The following MYRIP variants were observed in gnomAD, a reference collection of about 807,000 sequenced individuals.
MYRIP encodes the protein myosin VIIA and Rab interacting protein.
A neutral mutation model predicts 98.0 loss-of-function variants in MYRIP; 49 were observed. The observed-to-expected ratio is 0.50, with a 90% CI of 0.40 to 0.63. The LOEUF is 0.63. MYRIP is among the 30% of genes least tolerant of loss of function. The probability of loss-of-function intolerance (pLI) is 0.00; values close to 1 mark genes in which losing one functional copy is unlikely to be tolerated. For synonymous variants in MYRIP, 404 were observed against 409.5 expected (o/e 0.99, Z 0.16); for missense variants, 1,004 against 1,058.2 (o/e 0.95, Z 0.71).
At chr3:39,941,503 G>GTATA (rs537557970) in intron 2 of MYRIP, among the ~76,000 whole-genome samples, 2 of 145,042 alleles carry the variant, frequency 1.4e-5, no homozygotes, top group South Asian at 2.1e-4. Flanking sequence ...GTGTGTGTGT[G>GTATA]TGTGTGTATA....
chr3:40,217,696 T>C (rs1200338707), intron 11 of MYRIP, among the ~76,000 whole-genome samples: 1 of 152,078 alleles, frequency 6.6e-6, no homozygotes, highest in Non-Finnish European at 1.5e-5. Context: ...CCATAAAGCA[T>C]AAAAAAATGA....
intron 8 of MYRIP, 29 bp from the exon 9 acceptor site, chr3:40,182,191 T>A (rs1388735972): frequency 6.3e-7 from 1 of 1,581,542 alleles, no homozygotes; most frequent in South Asian, 1.2e-5. Flanking sequence ...CCTTATGAGC[T>A]CACCCCTTCC....
chr3:39,812,665 A>G (rs1435512609), intron 1 of MYRIP, among the ~76,000 whole-genome samples: 1 of 152,258 alleles, frequency 6.6e-6, no homozygotes, highest in Non-Finnish European at 1.5e-5. Context: ...AATTCCTCAA[A>G]GATAAAAAGT....
intron 1 of MYRIP, among the ~76,000 whole-genome samples, chr3:39,895,127 G>A (rs922059592): frequency 1.3e-5 from 2 of 151,214 alleles, no homozygotes; most frequent in African/African-American, 4.9e-5. Flanking sequence ...TTTTATGAGG[G>A]TGCTTAATAT....
intron 4 of MYRIP, among the ~76,000 whole-genome samples, chr3:40,160,334 G>A (rs899794162): frequency 6.6e-6 from 1 of 152,244 alleles, no homozygotes; most frequent in African/African-American, 2.4e-5. Context: ...ACCCACTTGA[G>A]GAGGCAGTCT....
At chr3:39,893,153 T>G (rs906524385) in intron 1 of MYRIP, among the ~76,000 whole-genome samples, 2 of 152,330 alleles carry the variant, frequency 1.3e-5, no homozygotes, top group Admixed American at 6.5e-5. Flanking sequence ...GGCCTGAGGC[T>G]GAACTATATG....
chr3:39,954,971 A>G (rs556280027), intron 2 of MYRIP, among the ~76,000 whole-genome samples: 3 of 151,240 alleles, frequency 2.0e-5, no homozygotes, highest in Non-Finnish European at 3.0e-5. Context: ...AGAAGTTTAG[A>G]AAAAAAAAGA....
chr3:40,145,199 C>A (rs548706579), intron 3 of MYRIP, among the ~76,000 whole-genome samples: 1 of 152,120 alleles, frequency 6.6e-6, no homozygotes, highest in African/African-American at 2.4e-5. Context: ...CACCAGCACC[C>A]GTACCCATGT....
chr3:40,227,914 G>A (rs1396554133), intron 11 of MYRIP, among the ~76,000 whole-genome samples: 1 of 152,206 alleles, frequency 6.6e-6, no homozygotes, highest in Non-Finnish European at 1.5e-5. Context: ...AGGTGCAGAG[G>A]GGTTAAGTAT....
intron 2 of MYRIP, among the ~76,000 whole-genome samples, chr3:39,972,203 T>A (rs1430208518): frequency 6.6e-6 from 1 of 152,088 alleles, no homozygotes; most frequent in East Asian, 1.9e-4. Flanking sequence ...AATACAGATA[T>A]TCACCCTGGA....
chr3:40,044,921 G>A (rs1352981452), intron 3 of MYRIP, among the ~76,000 whole-genome samples: 1 of 152,204 alleles, frequency 6.6e-6, no homozygotes, highest in African/African-American at 2.4e-5. Flanking sequence ...TTCTCCCTCA[G>A]CGACCAGCAG....
At chr3:39,865,863 G>T (rs1018182836) in intron 1 of MYRIP, among the ~76,000 whole-genome samples, 1 of 152,056 alleles carries the variant, frequency 6.6e-6, no homozygotes, top group African/African-American at 2.4e-5. Context: ...ATAAAGACAC[G>T]TACAGGCATA....
intron 3 of MYRIP, among the ~76,000 whole-genome samples, chr3:40,077,502 G>C (rs1324343676): frequency 6.6e-6 from 1 of 152,218 alleles, no homozygotes; most frequent in Non-Finnish European, 1.5e-5. Context: ...AGATTAGCTA[G>C]ATACTGTGTG....
chr3:39,948,226 C>T (rs769200519), intron 2 of MYRIP, among the ~76,000 whole-genome samples: 77 of 152,106 alleles, frequency 5.1e-4, no homozygotes, highest in Admixed American at 8.5e-4. Context: ...TCCTCTGGCT[C>T]CAGTGCACAT....
chr3:40,186,223 C>T (rs914202285), intron 9 of MYRIP, among the ~76,000 whole-genome samples: 4 of 152,016 alleles, frequency 2.6e-5, no homozygotes, highest in Non-Finnish European at 5.9e-5. Context: ...ATTAGAAGGC[C>T]CAGAGGACTT....
intron 1 of MYRIP, among the ~76,000 whole-genome samples, chr3:39,870,599 C>A (rs189148598): frequency 6.6e-6 from 1 of 151,966 alleles, no homozygotes; most frequent in Non-Finnish European, 1.5e-5. Flanking sequence ...ACTTAGCATT[C>A]ATGTTTTTTC....
chr3:39,831,708 ATTTACACATTTCT>A (rs1187137367), intron 1 of MYRIP, among the ~76,000 whole-genome samples: 1 of 152,220 alleles, frequency 6.6e-6, no homozygotes, highest in Non-Finnish European at 1.5e-5. Context: ...TTCTACATAT[ATTTACACATTTCT>A]AATAGCTGAA....
chr3:40,107,905 A>G (rs1426560085), intron 3 of MYRIP, among the ~76,000 whole-genome samples: 1 of 152,244 alleles, frequency 6.6e-6, no homozygotes, highest in African/African-American at 2.4e-5. Context: ...ATCACAAAGC[A>G]TTCTGCTATT....
intron 2 of MYRIP, among the ~76,000 whole-genome samples, chr3:40,010,851 GC>G (rs1184170590): frequency 6.6e-6 from 1 of 152,056 alleles, no homozygotes; most frequent in East Asian, 1.9e-4. Flanking sequence ...TCTGAATCTT[GC>G]CTCTCTCTGC....
Sources: allele counts gnomAD v4.1 joint callset (sites outside exome capture counted in the v4.1 genomes callset), GRCh38; gene constraint gnomAD v4.1.1; transcripts MANE v1.5; gene names NCBI Gene and HGNC (gene_info 2026-07-23, HGNC 2026-07-21).